The following MSI2 variants were observed in gnomAD, a reference collection of about 807,000 sequenced individuals.
MSI2 encodes musashi RNA binding protein 2.
MSI2 carries 17 observed loss-of-function variants against 45.6 expected under a neutral mutation model. The observed-to-expected ratio is 0.37, with a 90% confidence interval of 0.26 to 0.56. MSI2 has a LOEUF of 0.56. Among genes scored for constraint, MSI2 ranks in the 20% least tolerant of loss-of-function variants. The pLI is 0.77. For synonymous variants in MSI2, 156 were observed against 158.2 expected, an observed-to-expected ratio of 0.99 and a Z score of 0.11; for missense variants, 293 against 444.2, an observed-to-expected ratio of 0.66 and a Z score of 3.06.
intron 5 of MSI2, among the ~76,000 whole-genome samples, chr17:57,359,221 A>G (rs575039087): frequency 6.6e-6 from 1 of 152,204 alleles, no homozygotes; most frequent in African/African-American, 2.4e-5. Flanking sequence ...CAGCCCATCA[A>G]GCTGTCTGGG....
At chr17:57,480,234 G>T (rs1324057871) in intron 6 of MSI2, among the ~76,000 whole-genome samples, 1 of 152,120 alleles carries the variant, frequency 6.6e-6, no homozygotes, top group Non-Finnish European at 1.5e-5. Context: ...AAGTGCTGGG[G>T]TTACACATGT....
chr17:57,689,929 A>G, the MSI2 span, among the ~76,000 whole-genome samples: 1 of 152,188 alleles, frequency 6.6e-6, no homozygotes, highest in Non-Finnish European at 1.5e-5. Context: ...TTTGGCAATT[A>G]TATATAAAGC....
At chr17:57,388,368 G>A (rs1384154884) in intron 5 of MSI2, among the ~76,000 whole-genome samples, 3 of 152,214 alleles carry the variant, frequency 2.0e-5, no homozygotes, top group Non-Finnish European at 4.4e-5. Flanking sequence ...ATGGCTGAGT[G>A]TATTTCCAAA....
intron 6 of MSI2, among the ~76,000 whole-genome samples, chr17:57,450,670 CAAAAAAA>C (rs58773765): frequency 1.2e-3 from 39 of 31,958 alleles, no homozygotes; most frequent in Non-Finnish European, 2.0e-3. Flanking sequence ...GACTGCATCT[CAAAAAAA>C]AAAAAAAAAA....
At chr17:57,256,517 G>T, upstream of MSI2, 2 of 314,844 alleles carry the variant, frequency 6.4e-6, no homozygotes, top group Non-Finnish European at 1.1e-5. Flanking sequence ...GCGGGGACGG[G>T]GGGGTGTGCG....
chr17:57,622,888 C>G (rs11869335), intron 9 of MSI2, among the ~76,000 whole-genome samples: 29,977 of 152,114 alleles, frequency 0.2, 3,257 homozygotes, highest in East Asian at 0.42. Flanking sequence ...TCTTCATTGT[C>G]CCTGTAGAGC....
Position 57,515,349 on chromosome 17 carries a change from G to T in MSI2, c.406-14327G>T, listed in dbSNP as rs150672901. The stretch of plus-strand genomic sequence containing the variant: ...ATCCCGAGTAGCTGGGATTACAGGC[G>T]CCTGTCACCATGCTGGGCTAATTTT... On this transcript the variant is annotated intron_variant, in intron 6 of 13. Transcript: ENST00000284073. Among the ~76,000 whole-genome samples the T allele has an allele frequency of 8.6e-3, 1,309 of 152,216 alleles. 9 individuals carry two copies. The highest frequency in any genetic ancestry group is 0.013 in the Non-Finnish European group (894 of 68,014).
chr17:57,657,398 C>T (rs559719326), intron 11 of MSI2, among the ~76,000 whole-genome samples: 33 of 152,036 alleles, frequency 2.2e-4, no homozygotes, highest in Middle Eastern at 6.8e-3. Context: ...CAAATTGGCC[C>T]GAGGCTGGGG....
chr17:57,485,728 A>G (rs1221976012), intron 6 of MSI2, among the ~76,000 whole-genome samples: 1 of 152,238 alleles, frequency 6.6e-6, no homozygotes, highest in Non-Finnish European at 1.5e-5. Flanking sequence ...GTTCCATGGA[A>G]CTAGTATTCC....
intron 5 of MSI2, among the ~76,000 whole-genome samples, chr17:57,290,627 T>C (rs1161272476): frequency 6.6e-6 from 1 of 152,248 alleles, no homozygotes; most frequent in Non-Finnish European, 1.5e-5. Context: ...TATATTATTC[T>C]ATAATAGATG....
chr17:57,577,758 C>A (rs760893901), intron 7 of MSI2, among the ~76,000 whole-genome samples: 4 of 152,200 alleles, frequency 2.6e-5, no homozygotes, highest in Non-Finnish European at 5.9e-5. Context: ...AGAAGCACAG[C>A]AATTACTTGG....
intron 6 of MSI2, among the ~76,000 whole-genome samples, chr17:57,437,505 G>A (rs909070108): frequency 1.7e-4 from 26 of 152,196 alleles, no homozygotes; most frequent in Non-Finnish European, 3.7e-4. Flanking sequence ...TTGGGGACAT[G>A]CCTGGAGGGA....
rs576947419 is a variant in MSI2 at position 57,399,729 on chromosome 17, A to G, written c.313-1650A>G. ...TCATGGCTATGATGCTCATGGATTC[A>G]TGGGAATCGGGCATTAGGTGGGACC... On this transcript the variant is annotated intron_variant, in intron 5 of 13. Coordinates refer to ENST00000284073, the MANE Select transcript of MSI2 (RefSeq NM_138962.4). Among the ~76,000 whole-genome samples, 6 of 152,328 alleles carry G rather than the reference A, an allele frequency of 3.9e-5. No homozygotes were observed. In the East Asian group the frequency reaches 9.7e-4, roughly 25 times the overall value.
intron 5 of MSI2, 43 bp downstream of exon 5, chr17:57,262,235 G>A (rs746335310): frequency 1.3e-5 from 21 of 1,602,528 alleles, no homozygotes; most frequent in Non-Finnish European, 1.8e-5. Context: ...ACTCAGAGAT[G>A]ATTGCCAAGA....
At chr17:57,382,699 G>A (rs948360695) in intron 5 of MSI2, among the ~76,000 whole-genome samples, 2 of 152,190 alleles carry the variant, frequency 1.3e-5, no homozygotes, top group African/African-American at 4.8e-5. Context: ...CTCCACCCAC[G>A]AGGACAGTGG....
intron 5 of MSI2, among the ~76,000 whole-genome samples, chr17:57,328,310 C>A (rs931336249): frequency 2.8e-5 from 4 of 140,940 alleles, no homozygotes; most frequent in Admixed American, 2.7e-4. Context: ...TCCATGCATC[C>A]ATTTATCCAT....
chr17:57,697,141 A>C, the MSI2 span, among the ~76,000 whole-genome samples: 3 of 13,258 alleles, frequency 2.3e-4, no homozygotes, highest in Non-Finnish European at 5.4e-4. Flanking sequence ...CCTCGCCAGC[A>C]GGACACACAC....
At chr17:57,303,105 G>GT (rs1239389543) in intron 5 of MSI2, among the ~76,000 whole-genome samples, 4 of 152,222 alleles carry the variant, frequency 2.6e-5, no homozygotes, top group Non-Finnish European at 5.9e-5. Context: ...GTGTTCACGG[G>GT]GAAGTCCCCA....
rs1913148243 is a variant in MSI2, at chr17:57,319,521, A to G, written c.312+57329A>G. On this transcript the variant is annotated intron_variant, in intron 5 of 13. Coordinates refer to ENST00000284073, the MANE Select transcript of MSI2 (RefSeq NM_138962.4). ...CCACCTGTGTTAGATTCAATCAAAT[A>G]TGGTAGAGACTTTTGATCGAGAGCT... Among the ~76,000 whole-genome samples the G allele has an allele frequency of 2.6e-5, 4 of 152,218 alleles. No individual in the cohort carries two copies. The South Asian group carries it at 8.3e-4, about 32-fold the overall frequency.
Sources: allele counts gnomAD v4.1 joint callset (sites outside exome capture counted in the v4.1 genomes callset), GRCh38; gene constraint gnomAD v4.1.1; transcripts MANE v1.5; gene names NCBI Gene and HGNC (gene_info 2026-07-23, HGNC 2026-07-21).